The following FGF13 variants were observed in gnomAD, a reference collection of about 807,000 sequenced individuals.
FGF13 encodes fibroblast growth factor 13, also known as fibroblast growth factor homologous factor 2.
In FGF13, 2 loss-of-function variants were observed where a neutral mutation model predicts 19.5. That is an observed-to-expected ratio of 0.10 (90% confidence interval 0.04 to 0.32). The LOEUF (loss-of-function observed/expected upper bound fraction) is 0.32. Among genes scored for constraint, FGF13 ranks in the 10% least tolerant of loss-of-function variants. The pLI, the probability that FGF13 is intolerant of heterozygous loss-of-function variation, is 1.00. For synonymous variants in FGF13, 72 were observed against 76.9 expected, an observed-to-expected ratio of 0.94 and a Z score of 0.33; for missense variants, 113 against 192.7, an observed-to-expected ratio of 0.59 and a Z score of 2.45.
intron 1 of FGF13, among the ~76,000 whole-genome samples, chrX:139,152,659 C>T (rs2083944253): frequency 9.0e-6 from 1 of 110,989 alleles, no homozygotes; most frequent in African/African-American, 3.3e-5. Flanking sequence ...GAAATGACTT[C>T]CCACTGCCCA....
At chrX:138,803,774 G>T (rs2090846529) in intron 3 of FGF13, among the ~76,000 whole-genome samples, 1 of 112,152 alleles carries the variant, frequency 8.9e-6, no homozygotes, top group African/African-American at 3.2e-5. Flanking sequence ...ATGACTAGCT[G>T]ATAATGTTTT....
chrX:138,717,832 C>CT (rs752742585), intron 1 of FGF13, among the ~76,000 whole-genome samples: 2 of 111,131 alleles, frequency 1.8e-5, no homozygotes, highest in East Asian at 5.7e-4. Context: ...TTGTCTCTAT[C>CT]TATCTCCTGG....
At chrX:139,127,548 G>A (rs2083726214) in intron 1 of FGF13, among the ~76,000 whole-genome samples, 1 of 111,551 alleles carries the variant, frequency 9.0e-6, no homozygotes, top group African/African-American at 3.3e-5. Flanking sequence ...TGGGGCTCCA[G>A]TAATGTTTCC....
chrX:138,838,078 G>A (rs1213449904), intron 3 of FGF13, among the ~76,000 whole-genome samples: 2 of 112,094 alleles, frequency 1.8e-5, no homozygotes, highest in African/African-American at 6.5e-5. Flanking sequence ...CAGCTAAGTT[G>A]CCCAAACAGC....
At chrX:139,129,329 A>G (rs1312601932) in intron 1 of FGF13, among the ~76,000 whole-genome samples, 1 of 111,023 alleles carries the variant, frequency 9.0e-6, no homozygotes, top group Non-Finnish European at 1.9e-5. Context: ...GGTCAAGAAT[A>G]TGTGTATTTT....
chrX:138,977,502 G>A (rs749944987), intron 1 of FGF13, among the ~76,000 whole-genome samples: 1 of 112,388 alleles, frequency 8.9e-6, no homozygotes, highest in East Asian at 2.8e-4. Context: ...GTTTCTTTTT[G>A]CCACAGCTTG....
Position 138,780,811 on chromosome X carries a change from G to A in FGF13, c.218-71883C>T, listed in dbSNP as rs181320570. 1.6e-3 allele frequency among the ~76,000 whole-genome samples: 180 copies of A among 110,674 alleles called. 1 individual carries two copies. Among genetic ancestry groups the A allele is most frequent in the African/African-American group, 5.4e-3 (165 of 30,342 alleles). Reference sequence around the variant, plus strand: ...AATTGAACTCACCTCTGCACCAAGCGGACCGAATAGACATCTACAGAACTC... The same window carrying A: ...AATTGAACTCACCTCTGCACCAAGCAGACCGAATAGACATCTACAGAACTC... On this transcript the variant is annotated intron_variant, in intron 3 of 6. Coordinates refer to the FGF13 transcript ENST00000436198.
At chrX:139,045,549 G>C (rs775259038) in intron 1 of FGF13, among the ~76,000 whole-genome samples, 1 of 112,397 alleles carries the variant, frequency 8.9e-6, no homozygotes, top group African/African-American at 3.2e-5. Flanking sequence ...TTAAACATAC[G>C]TTCTAACTTA....
chrX:138,992,361 TTTAG>T (rs1442723290), intron 1 of FGF13, among the ~76,000 whole-genome samples: 3 of 111,689 alleles, frequency 2.7e-5, no homozygotes, highest in Admixed American at 9.6e-5. Context: ...ATTTTATGTA[TTTAG>T]TTATTTTTGC....
At chrX:139,028,708 TGAGA>T (rs34899745) in intron 1 of FGF13, among the ~76,000 whole-genome samples, 25 of 60,398 alleles carry the variant, frequency 4.1e-4, no homozygotes, top group African/African-American at 7.8e-4. Flanking sequence ...TGTGTGTGTG[TGAGA>T]GAGAGAGAGA....
chrX:138,966,163 T>A (rs1238258781), intron 1 of FGF13, among the ~76,000 whole-genome samples: 1 of 111,028 alleles, frequency 9.0e-6, no homozygotes, highest in Non-Finnish European at 1.9e-5. Context: ...AAATGTGGGG[T>A]CGGAGCCTCC....
At chrX:138,687,282 C>T (rs180740442) in intron 3 of FGF13, among the ~76,000 whole-genome samples, 25 of 111,470 alleles carry the variant, frequency 2.2e-4, no homozygotes, top group African/African-American at 7.8e-4. Context: ...ATATAATGAA[C>T]ACAACTCAAT....
At chrX:138,647,213 T>C (rs12833814) in intron 3 of FGF13, among the ~76,000 whole-genome samples, 5,024 of 92,565 alleles carry the variant, frequency 0.054, 152 homozygotes, top group Middle Eastern at 0.087. Context: ...CACATCCATC[T>C]CTGGGGAAAA....
At position 138,616,357 on chromosome X, in the gene FGF13, C is replaced by T. The variant is rs1168361552; in HGVS notation, c.*16493G>A. ...CAAGTCCAAAATCCAATAGGGCAGT[C>T]GTTAAAGCTTAAAGTTCCAAAATGA... is the stretch of plus-strand genomic sequence containing the variant. On this transcript the variant is annotated 3_prime_UTR_variant, in exon 5 of 5. Transcript: ENST00000315930. The T allele has an allele frequency of 8.9e-6, 1 of 112,656 alleles. No homozygotes were observed. Among genetic ancestry groups the T allele is most frequent in the Non-Finnish European group, 1.9e-5 (1 of 53,291 alleles). The allele number at this position is 112,656 out of a possible 1,213,427, so 9.3% of individuals were successfully genotyped here.
At chrX:139,064,734 G>C (rs985585680) in intron 1 of FGF13, among the ~76,000 whole-genome samples, 1 of 111,121 alleles carries the variant, frequency 9.0e-6, no homozygotes, top group African/African-American at 3.3e-5. Flanking sequence ...TACTAGGTTG[G>C]GGAAGTTCTG....
intron 1 of FGF13, among the ~76,000 whole-genome samples, chrX:139,194,236 C>T (rs2084354171): frequency 3.6e-5 from 4 of 111,913 alleles, no homozygotes; most frequent in African/African-American, 1.3e-4. Context: ...CCCACATACA[C>T]ACTTAAAGAT....
At chrX:138,763,374 A>C (rs1046542017) in intron 3 of FGF13, among the ~76,000 whole-genome samples, 1 of 111,330 alleles carries the variant, frequency 9.0e-6, no homozygotes, top group African/African-American at 3.3e-5. Context: ...GAAATCATGT[A>C]TGTCCTTGCT....
chrX:138,715,151 C>T (rs774789335), upstream of FGF13, among the ~76,000 whole-genome samples: 6 of 112,190 alleles, frequency 5.3e-5, no homozygotes, highest in African/African-American at 1.6e-4. Context: ...GCATTGTCCA[C>T]CAACCTCTCT....
chrX:138,932,503 C>T (rs976139118), intron 1 of FGF13, among the ~76,000 whole-genome samples: 3 of 101,674 alleles, frequency 3.0e-5, no homozygotes, highest in Non-Finnish European at 4.0e-5. Flanking sequence ...CGCTTGAACC[C>T]GGCGCGGGAG....
Sources: gnomAD v4.1 joint callset for allele counts (sites outside exome capture counted in the v4.1 genomes callset) on GRCh38, gnomAD v4.1.1 for gene constraint, MANE v1.5 for transcripts, NCBI Gene and HGNC (gene_info 2026-07-23, HGNC 2026-07-21) for gene names.